Variants in MAPK9 observed in about 807,000 individuals in gnomAD.
MAPK9 encodes the protein Jun kinase.
MAPK9 carries 30 observed loss-of-function variants against 57.1 expected under a neutral mutation model. The ratio of observed to expected loss-of-function variants is 0.53; its 90% CI spans 0.39 to 0.71. MAPK9 has a LOEUF of 0.71. MAPK9 is among the 30% of genes least tolerant of loss of function. The pLI, the probability that MAPK9 is intolerant of heterozygous loss-of-function variation, is 0.00. For missense variants in MAPK9, 362 were observed against 521.0 expected (o/e 0.69, Z 2.97); for synonymous variants, 155 against 177.0 (o/e 0.88, Z 0.99).
At chr5:180,280,292 C>G in intron 2 of MAPK9, 148 bp downstream of exon 2, 1 of 1,040,650 alleles carries the variant, frequency 9.6e-7, no homozygotes, top group Non-Finnish European at 1.4e-6. Flanking sequence ...CTACACAGAA[C>G]TAGAGCAAGC....
chr5:180,282,666 C>G (rs574941697), intron 1 of MAPK9, among the ~76,000 whole-genome samples: 1 of 152,306 alleles, frequency 6.6e-6, no homozygotes, highest in South Asian at 2.1e-4. Flanking sequence ...TTAGAGACAA[C>G]TCAGCAAAAA....
At chr5:180,266,940 C>A (rs1760626326) in intron 3 of MAPK9, among the ~76,000 whole-genome samples, 1 of 152,170 alleles carries the variant, frequency 6.6e-6, no homozygotes, top group Non-Finnish European at 1.5e-5. Context: ...AGAAACAAAA[C>A]AATCTATCCA....
intron 8 of MAPK9, among the ~76,000 whole-genome samples, chr5:180,242,117 T>G (rs756161162): frequency 3.3e-5 from 5 of 152,230 alleles, no homozygotes; most frequent in Non-Finnish European, 7.3e-5. Context: ...GACTGGGGCT[T>G]TTCTGATTAA....
chr5:180,233,345 A>C lies in MAPK9; in HGVS notation c.*3039T>G, dbSNP rs999549699. The C allele has an allele frequency of 6.6e-6, 1 of 152,212 alleles. No homozygotes were observed. Among genetic ancestry groups the C allele is most frequent in the Admixed American group, 6.5e-5 (1 of 15,282 alleles). The allele number at this position is 152,212 out of a possible 1,614,324, so 9.4% of individuals were successfully genotyped here. ...CACCAATACTCTGAATTGGACCTGC[A>C]TATTGGTGAAGTCAAAACTTACTGC... On this transcript the variant is annotated 3_prime_UTR_variant, in exon 12 of 12. Transcript: ENST00000452135.
At position 180,233,797 on chromosome 5, in the gene MAPK9, C is replaced by G. The variant is rs1373356298; in HGVS notation, c.*2587G>C. 1 of 152,224 alleles carries G rather than the reference C, an allele frequency of 6.6e-6. No individual in the cohort carries two copies. Among genetic ancestry groups the G allele is most frequent in the African/African-American group, 2.4e-5 (1 of 41,450 alleles). The allele number at this position is 152,224 out of a possible 1,614,324, so 9.4% of individuals were successfully genotyped here. A position where few individuals can be genotyped will look rare whatever the true frequency, so the allele number is the denominator to read the frequency against. ...TACGTGGTTATCGCTACTTACACAGCATTAAATGCGGGTTGAAGCAGCACC... is the reference window on the plus strand; with the variant it reads ...TACGTGGTTATCGCTACTTACACAGGATTAAATGCGGGTTGAAGCAGCACC... On this transcript the variant is annotated 3_prime_UTR_variant, in exon 12 of 12. Transcript: ENST00000452135.
intron 8 of MAPK9, among the ~76,000 whole-genome samples, chr5:180,241,674 C>T (rs1757671940): frequency 6.6e-6 from 1 of 152,212 alleles, no homozygotes; most frequent in Non-Finnish European, 1.5e-5. Context: ...TAGTTTTACG[C>T]CTCTGGATCT....
At chr5:180,260,986 CAAGT>C (rs764790479) in intron 5 of MAPK9, among the ~76,000 whole-genome samples, 77 of 151,820 alleles carry the variant, frequency 5.1e-4, no homozygotes, top group Non-Finnish European at 1.0e-3. Context: ...CACAGCCGTA[CAAGT>C]AATAATAACA....
intron 5 of MAPK9, among the ~76,000 whole-genome samples, chr5:180,260,355 A>G (rs1036928941): frequency 6.6e-6 from 1 of 152,210 alleles, no homozygotes; most frequent in African/African-American, 2.4e-5. Flanking sequence ...CATTTTAATA[A>G]TTATTTCAAA....
rs753765665 is a variant in MAPK9, at chr5:180,247,417, C to T, written c.688+22G>A. The stretch of plus-strand genomic sequence containing the variant: ...GAGGCATTAAGAAAGCATGGCGGGG[C>T]CAAGGTCGCGGGGAAGGATACGGTC... On this transcript the variant is annotated intron_variant, in intron 7 of 11. Transcript: ENST00000452135. The surrounding 1 kb of genome is among the most constrained non-coding windows in gnomAD (Gnocchi z 4.5). The T allele has an allele frequency of 1.2e-6, 2 of 1,614,096 alleles. No homozygotes were observed. Among genetic ancestry groups the T allele is most frequent in the Non-Finnish European group, 8.5e-7 (1 of 1,180,010 alleles).
chr5:180,268,869 G>A (rs1760965953), intron 3 of MAPK9, among the ~76,000 whole-genome samples: 1 of 141,252 alleles, frequency 7.1e-6, no homozygotes, highest in South Asian at 2.3e-4. Flanking sequence ...GCCGGGCATG[G>A]TGGCTCACGC....
intron 4 of MAPK9, 137 bp downstream of exon 4, chr5:180,264,644 T>C: frequency 1.3e-6 from 1 of 765,520 alleles, no homozygotes; most frequent in Non-Finnish European, 2.0e-6. Flanking sequence ...AATATTTCTC[T>C]GCAACAGAGA....
chr5:180,269,472 GA>G (rs1761048234), intron 2 of MAPK9, 63 bp from the exon 3 acceptor site: 10 of 1,430,622 alleles, frequency 7.0e-6, no homozygotes, highest in Non-Finnish European at 9.8e-6. Context: ...AGCAATGCCA[GA>G]ATATACATTG....
intron 9 of MAPK9, 139 bp from the exon 10 acceptor site, chr5:180,240,126 G>C (rs1248584611): frequency 3.1e-6 from 2 of 639,262 alleles, no homozygotes; most frequent in Admixed American, 2.8e-5. Flanking sequence ...GTTTAATAAA[G>C]ATTTGTCATG....
intron 2 of MAPK9, among the ~76,000 whole-genome samples, chr5:180,272,043 T>A (rs576035649): frequency 1.3e-5 from 2 of 152,328 alleles, no homozygotes; most frequent in South Asian, 4.1e-4. Flanking sequence ...CTCTTTAGCC[T>A]ATCACTGGCA....
intron 11 of MAPK9, 26 bp downstream of exon 11, chr5:180,238,306 T>C (rs1024259096): frequency 1.9e-6 from 3 of 1,567,990 alleles, no homozygotes; most frequent in Non-Finnish European, 2.6e-6. Flanking sequence ...AAAAATATCA[T>C]ACAATCAATT....
intron 10 of MAPK9, among the ~76,000 whole-genome samples, chr5:180,239,293 AG>A (rs1174222125): frequency 1.3e-5 from 2 of 152,224 alleles, no homozygotes; most frequent in Non-Finnish European, 2.9e-5. Flanking sequence ...CGCTGAGGCC[AG>A]TGAGCATTGA....
chr5:180,267,543 CAG>C (rs1188062855), intron 3 of MAPK9, among the ~76,000 whole-genome samples: 1 of 111,752 alleles, frequency 8.9e-6, no homozygotes, highest in East Asian at 2.6e-4. Flanking sequence ...GGTTGGGCGA[CAG>C]AGCGAGACTC....
At chr5:180,266,545 A>T (rs998898891) in intron 3 of MAPK9, among the ~76,000 whole-genome samples, 13 of 151,904 alleles carry the variant, frequency 8.6e-5, no homozygotes, top group African/African-American at 2.9e-4. Context: ...TCTTAAACTC[A>T]TGACTCAGGT....
intron 4 of MAPK9, among the ~76,000 whole-genome samples, chr5:180,262,511 T>C (rs1489871252): frequency 6.6e-6 from 1 of 151,236 alleles, no homozygotes; most frequent in East Asian, 1.9e-4. Flanking sequence ...CACTGCAACC[T>C]CCACCTCCCG....
Sources: gnomAD v4.1 joint callset for allele counts (sites outside exome capture counted in the v4.1 genomes callset) on GRCh38, gnomAD v4.1.1 for gene constraint, Gnocchi (gnomAD v3.1) non-coding constraint, MANE v1.5 for transcripts, NCBI Gene and HGNC (gene_info 2026-07-23, HGNC 2026-07-21) for gene names.